The following ANGPT2 variants were observed in gnomAD, a reference collection of about 807,000 sequenced individuals.
ANGPT2 encodes angiopoietin-2.
A neutral mutation model predicts 62.9 loss-of-function variants in ANGPT2; 28 were observed. That is an observed-to-expected ratio of 0.44 (90% CI 0.33 to 0.61). The LOEUF is 0.61. Among genes scored for constraint, ANGPT2 ranks in the 20% least tolerant of loss-of-function variants. The pLI is 0.03. For synonymous variants in ANGPT2, 284 were observed against 207.8 expected (o/e 1.37, Z -3.15); for missense variants, 727 against 594.9 (o/e 1.22, Z -2.31).
intron 2 of ANGPT2, among the ~76,000 whole-genome samples, chr8:6,527,922 A>C (rs1023922135): frequency 3.1e-4 from 27 of 88,506 alleles, no homozygotes; most frequent in Admixed American, 2.7e-3. Flanking sequence ...TTGAGATGGA[A>C]TCTCGCTCCA....
At chr8:6,553,769 T>A (rs891455880) in intron 1 of ANGPT2, among the ~76,000 whole-genome samples, 2 of 152,068 alleles carry the variant, frequency 1.3e-5, no homozygotes, top group African/African-American at 4.8e-5. Context: ...CCCATCCCCT[T>A]TTGGGACTTC....
chr8:6,547,563 C>T (rs1239422144), intron 1 of ANGPT2, among the ~76,000 whole-genome samples: 2 of 152,158 alleles, frequency 1.3e-5, no homozygotes, highest in Non-Finnish European at 2.9e-5. Flanking sequence ...GGCGCAGAGT[C>T]ACAGTAGCAC....
chr8:6,519,716 A>T, intron 5 of ANGPT2, 148 bp downstream of exon 5: 1 of 930,518 alleles, frequency 1.1e-6, no homozygotes, highest in Non-Finnish European at 1.5e-6. Flanking sequence ...CAAGCACTCT[A>T]GGCGAGGTAG....
chr8:6,563,075 T>C lies in ANGPT2; in HGVS notation c.-141A>G, dbSNP rs994658480. ...TCAATGAAAGTCTTCTCTTTCCTCT[T>C]TTTCCAGTAGCAAACCTGGTTTTTA... On this transcript the variant is annotated 5_prime_UTR_variant, in exon 1 of 9. Transcript: ENST00000629816. 7 of 902,594 alleles carry C rather than the reference T, an allele frequency of 7.8e-6. No homozygotes were observed. The highest frequency in any genetic ancestry group is 1.1e-5 in the Non-Finnish European group (7 of 618,690). The allele number at this position is 902,594 out of a possible 1,614,324, so 55.9% of individuals were successfully genotyped here. A position where few individuals can be genotyped will look rare whatever the true frequency, so the allele number is the denominator to read the frequency against.
chr8:6,543,220 A>G (rs2129574157), intron 1 of ANGPT2, among the ~76,000 whole-genome samples: 1 of 152,320 alleles, frequency 6.6e-6, no homozygotes, highest in South Asian at 2.1e-4. Flanking sequence ...TGCTCAAAAT[A>G]CACAGGATTA....
chr8:6,519,692 C>G (rs901135699), intron 5 of ANGPT2, among the ~76,000 whole-genome samples, 172 bp downstream of exon 5: 3 of 152,324 alleles, frequency 2.0e-5, no homozygotes, highest in East Asian at 1.9e-4. Context: ...AGCAGCGGCA[C>G]TTAGAGCCCT....
At chr8:6,534,948 C>G (rs1820223016) in intron 1 of ANGPT2, among the ~76,000 whole-genome samples, 1 of 152,206 alleles carries the variant, frequency 6.6e-6, no homozygotes, top group South Asian at 2.1e-4. Context: ...GCAGTTAAAG[C>G]TGTGTGTCAC....
At chr8:6,536,029 C>T (rs1183803970) in intron 1 of ANGPT2, among the ~76,000 whole-genome samples, 2 of 151,956 alleles carry the variant, frequency 1.3e-5, no homozygotes, top group Non-Finnish European at 2.9e-5. Context: ...TGCACTGCAG[C>T]TTGGGCGACA....
chr8:6,505,330 TATAGAAAGA>T (rs1369383302), intron 8 of ANGPT2, among the ~76,000 whole-genome samples: 13 of 57,466 alleles, frequency 2.3e-4, no homozygotes, highest in African/African-American at 1.3e-3. Context: ...GTTATATACA[TATAGAAAGA>T]ATATATATAT....
At chr8:6,536,220 A>T (rs1275340558) in intron 1 of ANGPT2, among the ~76,000 whole-genome samples, 1 of 152,198 alleles carries the variant, frequency 6.6e-6, no homozygotes, top group African/African-American at 2.4e-5. Context: ...AGCGACAGGA[A>T]CAGCCACAGT....
intron 7 of ANGPT2, among the ~76,000 whole-genome samples, chr8:6,509,686 G>T (rs891761660): frequency 2.0e-5 from 3 of 152,110 alleles, no homozygotes; most frequent in African/African-American, 7.2e-5. Context: ...CTTCCCATGG[G>T]GCTATGTTCT....
Position 6,501,923 on chromosome 8 carries a change from G to A in ANGPT2, c.*1178C>T, listed in dbSNP as rs1812274360. The A allele has an allele frequency of 7.5e-6, 1 of 133,946 alleles. No homozygotes were observed. Among genetic ancestry groups the A allele is most frequent in the Non-Finnish European group, 1.7e-5 (1 of 58,852 alleles). The allele number at this position is 133,946 out of a possible 1,614,324, so 8.3% of individuals were successfully genotyped here. A position where few individuals can be genotyped will look rare whatever the true frequency, so the allele number is the denominator to read the frequency against. Reference sequence around the variant, plus strand: ...ACATCAGATTTTGTTTTTGCACTTTGAAACCCTTTTTTTTTTTTCAGTTTG... The same window carrying A: ...ACATCAGATTTTGTTTTTGCACTTTAAAACCCTTTTTTTTTTTTCAGTTTG... On this transcript the variant is annotated 3_prime_UTR_variant, in exon 9 of 9. Coordinates refer to ENST00000629816, the MANE Select transcript of ANGPT2 (RefSeq NM_001118887.2).
In ANGPT2 at chr8:6,508,913, G is replaced by T. The variant is rs1158524191; in HGVS notation, c.1327+19C>A. On this transcript the variant is annotated intron_variant, in intron 8 of 8. Transcript: ENST00000629816. ...CATTCCTTGCCAATACAAATAGGAA[G>T]ACAGAAAGTCATCCCTACCTCCTGT... 6.2e-7 allele frequency: 1 copy of T among 1,613,918 alleles called. No individual in the cohort carries two copies. Among genetic ancestry groups the T allele is most frequent in the East Asian group, 2.2e-5 (1 of 44,884 alleles).
intron 2 of ANGPT2, among the ~76,000 whole-genome samples, chr8:6,528,096 C>T (rs560173669): frequency 5.5e-4 from 83 of 152,198 alleles, no homozygotes; most frequent in Non-Finnish European, 8.2e-4. Context: ...GGGGTTTCAC[C>T]ATGTTGGCCA....
intron 1 of ANGPT2, among the ~76,000 whole-genome samples, chr8:6,548,774 G>T (rs186910189): frequency 1.3e-5 from 2 of 152,280 alleles, no homozygotes; most frequent in East Asian, 3.9e-4. Flanking sequence ...AAAAAAAGAA[G>T]GTGCTATCAG....
chr8:6,524,104 CCTCT>C (rs1563342820), intron 3 of ANGPT2, among the ~76,000 whole-genome samples: 4 of 152,280 alleles, frequency 2.6e-5, no homozygotes, highest in African/African-American at 9.6e-5. Context: ...ATGTCAGATT[CCTCT>C]CTCTGACATT....
At chr8:6,523,250 G>T (rs1395588655) in intron 3 of ANGPT2, among the ~76,000 whole-genome samples, 1 of 152,086 alleles carries the variant, frequency 6.6e-6, no homozygotes, top group Non-Finnish European at 1.5e-5. Context: ...GCCCGCCCCT[G>T]CCTCCCAAAG....
chr8:6,503,761 C>T (rs1812672225), intron 8 of ANGPT2, among the ~76,000 whole-genome samples: 1 of 152,120 alleles, frequency 6.6e-6, no homozygotes, highest in African/African-American at 2.4e-5. Flanking sequence ...CTCTATGTTT[C>T]AGAGACAAAA....
intron 8 of ANGPT2, among the ~76,000 whole-genome samples, chr8:6,506,187 C>T (rs977073473): frequency 1.1e-4 from 17 of 151,718 alleles, no homozygotes; most frequent in African/African-American, 4.1e-4. Context: ...ATTCAGAATC[C>T]TTCACATATT....
Sources: gnomAD v4.1 joint callset for allele counts (sites outside exome capture counted in the v4.1 genomes callset) on GRCh38, gnomAD v4.1.1 for gene constraint, MANE v1.5 for transcripts, NCBI Gene and HGNC (gene_info 2026-07-23, HGNC 2026-07-21) for gene names.